BCAS3: variants seen among roughly 807,000 people sequenced by gnomAD.
The protein encoded by BCAS3 is BCAS4/BCAS3 fusion.
BCAS3 carries 53 observed loss-of-function variants against 116.1 expected under a neutral mutation model. That is an observed-to-expected ratio of 0.46 (90% CI 0.37 to 0.57). BCAS3 has a LOEUF of 0.57. Among genes scored for constraint, BCAS3 ranks in the 20% least tolerant of loss-of-function variants. The probability of loss-of-function intolerance (pLI) is 0.00; values close to 1 mark genes in which losing one functional copy is unlikely to be tolerated. For synonymous variants in BCAS3, 391 were observed against 408.2 expected, an observed-to-expected ratio of 0.96 and a Z score of 0.51; for missense variants, 917 against 1,165.4, an observed-to-expected ratio of 0.79 and a Z score of 3.10.
At chr17:61,074,278 CAG>C (rs1424000041) in intron 19 of BCAS3, among the ~76,000 whole-genome samples, 2 of 150,882 alleles carry the variant, frequency 1.3e-5, no homozygotes, top group Non-Finnish European at 2.9e-5. Flanking sequence ...TGGAGACAGA[CAG>C]AGTGAGTGAG....
At chr17:61,072,805 C>G (rs530693348) in intron 19 of BCAS3, among the ~76,000 whole-genome samples, 1 of 152,268 alleles carries the variant, frequency 6.6e-6, no homozygotes, top group South Asian at 2.1e-4. Flanking sequence ...GGCCTCCTAG[C>G]TGTTACTTAT....
chr17:61,077,725 G>A lies in BCAS3; in HGVS notation c.2131-608G>A, dbSNP rs985768883. ...AGTTTGAGAGAAAATATATAATAATGTTTTCATTTAAAAGTGGATTGGGGT... is the reference window on the plus strand; with the variant it reads ...AGTTTGAGAGAAAATATATAATAATATTTTCATTTAAAAGTGGATTGGGGT... On this transcript the variant is annotated intron_variant, in intron 20 of 23. Coordinates refer to ENST00000407086, the MANE Select transcript of BCAS3 (RefSeq NM_017679.5). The surrounding 1 kb of genome is among the most constrained non-coding windows in gnomAD (Gnocchi z 4.3). 3.3e-5 allele frequency among the ~76,000 whole-genome samples: 5 copies of A among 151,980 alleles called. No homozygotes were observed. The highest frequency in any genetic ancestry group is 7.4e-5 in the Non-Finnish European group (5 of 67,994).
chr17:60,931,355 A>G (rs1328086279), intron 13 of BCAS3, among the ~76,000 whole-genome samples: 4 of 152,116 alleles, frequency 2.6e-5, no homozygotes, highest in Non-Finnish European at 5.9e-5. Context: ...AGCTCACTGC[A>G]ACCTCCACCT....
chr17:61,365,971 C>T lies in BCAS3; in HGVS notation c.2426-2356C>T, dbSNP rs566037183. Among the ~76,000 whole-genome samples the T allele has an allele frequency of 2.0e-5, 3 of 151,928 alleles. No individual in the cohort carries two copies. The highest frequency in any genetic ancestry group is 1.3e-4 in the Admixed American group (2 of 15,252). On this transcript the variant is annotated intron_variant, in intron 22 of 23. Coordinates refer to ENST00000407086, the MANE Select transcript of BCAS3 (RefSeq NM_017679.5). The surrounding 1 kb of genome is among the most constrained non-coding windows in gnomAD (Gnocchi z 4.6). ...CAGCCTGGCCTACATGGTGAAACCC[C>T]GTCTCTACTAAAAACACAAAAATTA... is the stretch of plus-strand genomic sequence containing the variant.
rs200538822 is a variant in BCAS3 at position 60,850,309 on chromosome 17, C to CT, written c.477-18266dup. On this transcript the variant is annotated intron_variant, in intron 7 of 23. Coordinates refer to ENST00000407086, the MANE Select transcript of BCAS3 (RefSeq NM_017679.5). Reference sequence around the variant, plus strand: ...AGAATTCCCTGTACTCTGCTTATTACTCCTTTTTTCCCTCCCCCTAACTCC... The same window carrying CT: ...AGAATTCCCTGTACTCTGCTTATTACTTCCTTTTTTCCCTCCCCCTAACTCC... Among the ~76,000 whole-genome samples the CT allele has an allele frequency of 1.3e-3, 193 of 145,222 alleles. 1 individual carries two copies. The East Asian group carries it at 0.017, about 12-fold the overall frequency.
At chr17:60,832,464 A>G (rs1303798061) in intron 7 of BCAS3, among the ~76,000 whole-genome samples, 1 of 152,136 alleles carries the variant, frequency 6.6e-6, no homozygotes, top group Non-Finnish European at 1.5e-5. Context: ...CACCCACCTC[A>G]CTTGTTGCCT....
At chr17:61,207,598 T>C (rs956692572) in intron 22 of BCAS3, among the ~76,000 whole-genome samples, 3 of 151,992 alleles carry the variant, frequency 2.0e-5, no homozygotes, top group African/African-American at 4.8e-5. Flanking sequence ...GGATGTTGTC[T>C]AACTTTTTTT....
Position 61,376,475 on chromosome 17 carries a change from C to A in BCAS3, c.2593+7981C>A, listed in dbSNP as rs1470250886. Among the ~76,000 whole-genome samples, 2 of 152,194 alleles carry A rather than the reference C, an allele frequency of 1.3e-5. No homozygotes were observed. The highest frequency in any genetic ancestry group is 2.9e-5 in the Non-Finnish European group (2 of 68,038). On this transcript the variant is annotated intron_variant, in intron 23 of 23. Transcript: ENST00000407086. The surrounding 1 kb of genome is among the most constrained non-coding windows in gnomAD (Gnocchi z 4.5). ...GCAAACTGGTATTTACCCCAGATAC[C>A]CAGGAAGGGTTAGTCTTTCGGCCTC... is the stretch of plus-strand genomic sequence containing the variant.
intron 9 of BCAS3, among the ~76,000 whole-genome samples, chr17:60,888,155 A>G (rs1026872874): frequency 6.6e-6 from 1 of 152,222 alleles, no homozygotes; most frequent in African/African-American, 2.4e-5. Context: ...GGCAAGCAGG[A>G]AAACAGTTGT....
In BCAS3 at chr17:61,189,201, G is replaced by A. The variant is rs888665798; in HGVS notation, c.2425+104637G>A. On this transcript the variant is annotated intron_variant, in intron 22 of 23. Transcript: ENST00000407086. This position sits in a 1 kb window ranked among gnomAD's most constrained non-coding sequence, Gnocchi z 4.5. The stretch of plus-strand genomic sequence containing the variant: ...TGCTCCTTTATGTGCTTAGAGTTGA[G>A]GAAGGTGGAGAATATTTAAGGAAAG... Among the ~76,000 whole-genome samples, 1 of 152,186 alleles carries A rather than the reference G, an allele frequency of 6.6e-6. No homozygotes were observed. Among genetic ancestry groups the A allele is most frequent in the African/African-American group, 2.4e-5 (1 of 41,438 alleles).
chr17:61,032,325 T>A lies in BCAS3; in HGVS notation c.1638-2341T>A, dbSNP rs1029296258. ...ACATTGTAGTAGCTTTGTTCTCTGA[T>A]GGTGATTCTAGTAAAAGCACATAGT... On this transcript the variant is annotated intron_variant, in intron 16 of 23. Coordinates refer to ENST00000407086, the MANE Select transcript of BCAS3 (RefSeq NM_017679.5). This position sits in a 1 kb window ranked among gnomAD's most constrained non-coding sequence, Gnocchi z 4.6. 6.6e-6 allele frequency among the ~76,000 whole-genome samples: 1 copy of A among 152,176 alleles called. No homozygotes were observed. Among genetic ancestry groups the A allele is most frequent in the African/African-American group, 2.4e-5 (1 of 41,456 alleles).
intron 6 of BCAS3, among the ~76,000 whole-genome samples, chr17:60,770,899 G>C (rs1568213956): frequency 7.1e-6 from 1 of 140,618 alleles, no homozygotes; most frequent in Non-Finnish European, 1.5e-5. Context: ...GCAGGCTGGA[G>C]GGCAGTGGCA....
intron 16 of BCAS3, among the ~76,000 whole-genome samples, chr17:61,016,772 T>C (rs995593836): frequency 6.6e-6 from 1 of 152,172 alleles, no homozygotes; most frequent in Non-Finnish European, 1.5e-5. Context: ...TCAAGTTCTT[T>C]CCAATGAAAG....
chr17:61,111,454 G>A (rs2075084874), intron 22 of BCAS3, among the ~76,000 whole-genome samples: 1 of 151,650 alleles, frequency 6.6e-6, no homozygotes, highest in Non-Finnish European at 1.5e-5. Flanking sequence ...AGCCTCAGGA[G>A]CCAATGCGAT....
rs1036994592 is a variant in BCAS3 at position 61,141,588 on chromosome 17, G to A, written c.2425+57024G>A. Among the ~76,000 whole-genome samples the A allele has an allele frequency of 5.3e-5, 8 of 151,696 alleles. No individual in the cohort carries two copies. The highest frequency in any genetic ancestry group is 3.2e-3 in the Middle Eastern group (1 of 310). On this transcript the variant is annotated intron_variant, in intron 22 of 23. Coordinates refer to ENST00000407086, the MANE Select transcript of BCAS3 (RefSeq NM_017679.5). This position sits in a 1 kb window ranked among gnomAD's most constrained non-coding sequence, Gnocchi z 4.3. ...ATAAAATAAAAGTTGAATCACCCACGTTTTAGATTATGAGCTTATTAAAAC... is the reference window on the plus strand; with the variant it reads ...ATAAAATAAAAGTTGAATCACCCACATTTTAGATTATGAGCTTATTAAAAC...
At chr17:60,691,787 A>C (rs1190481430) in intron 4 of BCAS3, among the ~76,000 whole-genome samples, 1 of 150,956 alleles carries the variant, frequency 6.6e-6, no homozygotes, top group African/African-American at 2.4e-5. Context: ...GATTGGTTTC[A>C]TTTGAATTTT....
intron 6 of BCAS3, among the ~76,000 whole-genome samples, chr17:60,772,639 G>A (rs572822355): frequency 6.6e-6 from 1 of 152,280 alleles, no homozygotes; most frequent in East Asian, 1.9e-4. Context: ...CAGCTCTTTG[G>A]GAGGCTGAGG....
At chr17:61,304,606 A>G (rs1038231289) in intron 22 of BCAS3, among the ~76,000 whole-genome samples, 1 of 152,156 alleles carries the variant, frequency 6.6e-6, no homozygotes, top group Non-Finnish European at 1.5e-5. Flanking sequence ...AGGAAAGAGG[A>G]AGGGTTAAGG....
At chr17:60,928,851 T>C (rs1021523361) in intron 13 of BCAS3, among the ~76,000 whole-genome samples, 1 of 152,218 alleles carries the variant, frequency 6.6e-6, no homozygotes, top group African/African-American at 2.4e-5. Flanking sequence ...TTTGCTTTGC[T>C]AGTTTCTGGT....
Sources: allele counts gnomAD v4.1 joint callset (sites outside exome capture counted in the v4.1 genomes callset), GRCh38; gene constraint gnomAD v4.1.1; non-coding constraint Gnocchi (gnomAD v3.1); transcripts MANE v1.5; gene names NCBI Gene and HGNC (gene_info 2026-07-23, HGNC 2026-07-21).